Variants in NCOA5 observed in about 807,000 individuals in gnomAD.
NCOA5 encodes the protein nuclear receptor coactivator 5.
In NCOA5, 12 loss-of-function variants were observed where a neutral mutation model predicts 59.0. The observed-to-expected ratio is 0.20, with a 90% confidence interval of 0.13 to 0.33. The LOEUF (loss-of-function observed/expected upper bound fraction) is 0.33, where lower values mean the gene tolerates loss of function less well. NCOA5 is among the 10% of genes least tolerant of loss of function. The probability of loss-of-function intolerance (pLI) is 1.00; values close to 1 mark genes in which losing one functional copy is unlikely to be tolerated. For missense variants in NCOA5, 655 were observed against 766.6 expected, an observed-to-expected ratio of 0.85 and a Z score of 1.72; for synonymous variants, 270 against 275.5, an observed-to-expected ratio of 0.98 and a Z score of 0.20.
chr20:46,075,987 C>T (rs777457863), intron 2 of NCOA5, among the ~76,000 whole-genome samples: 22 of 152,152 alleles, frequency 1.4e-4, no homozygotes, highest in Non-Finnish European at 1.8e-4. Flanking sequence ...GAATAGAGAG[C>T]AAAGCCAGCA....
Position 46,062,619 on chromosome 20 carries a change from T to C in NCOA5, c.1421A>G (p.Gln474Arg). The C allele has an allele frequency of 6.2e-7, 1 of 1,614,192 alleles. No individual in the cohort carries two copies. ...NFSTAANSQP[Q>R]QRSQASGNQP... ...ATTGCCAGAAGCCTGTGATCTTTGT[T>C]GAGGCTGGCTGTTTGCTGCTGTGGA... Residue 474 changes from glutamine (Q) to arginine (R), a missense_variant, in exon 8 of 8, where the codon CAA becomes CGA. Physicochemically the swap from Gln to Arg is conservative, Grantham distance 43. This residue lies in a region of NCOA5 where 325 missense variants were observed against 353.2 expected (regional missense o/e 0.92). Transcript: ENST00000290231.
chr20:46,064,418 T>C (rs2084799718), intron 6 of NCOA5, among the ~76,000 whole-genome samples: 1 of 152,236 alleles, frequency 6.6e-6, no homozygotes, highest in South Asian at 2.1e-4. Flanking sequence ...CTGGGCTCAA[T>C]GCATTAAAAG....
chr20:46,069,128 T>G (rs1231350900), intron 3 of NCOA5, among the ~76,000 whole-genome samples: 1 of 152,098 alleles, frequency 6.6e-6, no homozygotes, highest in Non-Finnish European at 1.5e-5. Context: ...TTTTTAAGTA[T>G]ACAATTCAGT....
chr20:46,087,500 G>C (rs1207459372), intron 1 of NCOA5, among the ~76,000 whole-genome samples: 2 of 152,228 alleles, frequency 1.3e-5, no homozygotes, highest in Non-Finnish European at 2.9e-5. Flanking sequence ...GCTCATGCCT[G>C]TAATCCCAGC....
intron 1 of NCOA5, among the ~76,000 whole-genome samples, chr20:46,081,040 A>G (rs2084986833): frequency 6.6e-6 from 1 of 152,150 alleles, no homozygotes; most frequent in Admixed American, 6.5e-5. Context: ...ACTGTGTACC[A>G]CTTTCTAATT....
At chr20:46,089,681 C>T (rs936017093) in intron 1 of NCOA5, 136 bp downstream of exon 1, 1 of 152,066 alleles carries the variant, frequency 6.6e-6, no homozygotes, top group Non-Finnish European at 1.5e-5. Flanking sequence ...CGCGCGCACC[C>T]GGAGAGGAGC....
chr20:46,088,216 A>G (rs973075693), intron 1 of NCOA5, among the ~76,000 whole-genome samples: 1 of 152,318 alleles, frequency 6.6e-6, no homozygotes, highest in African/African-American at 2.4e-5. Flanking sequence ...GAGCAAACTG[A>G]ATCTAGAAAA....
At chr20:46,086,348 A>C (rs560551362) in intron 1 of NCOA5, among the ~76,000 whole-genome samples, 2 of 152,300 alleles carry the variant, frequency 1.3e-5, no homozygotes, top group Non-Finnish European at 2.9e-5. Flanking sequence ...GGTCCAGATG[A>C]CCTATTATCT....
At chr20:46,070,633 T>G (rs1350788301) in intron 2 of NCOA5, 97 bp from the exon 3 acceptor site, 1 of 1,202,838 alleles carries the variant, frequency 8.3e-7, no homozygotes, top group Non-Finnish European at 1.2e-6. Context: ...CCAAGCATTC[T>G]TCTCTAAAAC....
Position 46,063,605 on chromosome 20 carries a change from C to A in NCOA5, c.905G>T (p.Arg302Leu). 2 of 1,614,144 alleles carry A rather than the reference C, an allele frequency of 1.2e-6. No individual in the cohort carries two copies. The highest frequency in any genetic ancestry group is 1.7e-6 in the Non-Finnish European group (2 of 1,180,022). Reference sequence around the variant, plus strand: ...GGCAATCTCCTCACGTTCCTTCTCCCGGCACTCATTCTTGTAACGCTCATA... The same window carrying A: ...GGCAATCTCCTCACGTTCCTTCTCCAGGCACTCATTCTTGTAACGCTCATA... ...RNYERYKNEC[R>L]EKEREEIARQ... The change falls in exon 7 of 8, where the codon CGG (arginine) becomes CTG (leucine). Residue 302 changes from arginine to leucine, a missense_variant. By Grantham distance (102) the Arg-to-Leu change is moderately radical. Around this residue, in one of 3 missense-constraint regions of NCOA5, gnomAD observed 325 missense variants for 353.2 expected, o/e 0.92. Transcript: ENST00000290231.
chr20:46,089,602 TCGGCCGGC>T (rs2085079938), intron 1 of NCOA5, among the ~76,000 whole-genome samples: 1 of 151,596 alleles, frequency 6.6e-6, no homozygotes, highest in African/African-American at 2.4e-5. Flanking sequence ...GTAGGCCGCC[TCGGCCGGC>T]CGGGCCTGGG....
At chr20:46,068,886 A>G (rs1201820850) in intron 3 of NCOA5, among the ~76,000 whole-genome samples, 2 of 152,248 alleles carry the variant, frequency 1.3e-5, no homozygotes, top group East Asian at 3.8e-4. Flanking sequence ...TTGAGGAAAC[A>G]TTACATGTCC....
At chr20:46,087,043 CTCTT>C (rs1225897038) in intron 1 of NCOA5, among the ~76,000 whole-genome samples, 1 of 152,152 alleles carries the variant, frequency 6.6e-6, no homozygotes, top group African/African-American at 2.4e-5. Flanking sequence ...GAAATCTAAC[CTCTT>C]TGAGTCATCA....
At chr20:46,081,304 T>C (rs2084989583) in intron 1 of NCOA5, among the ~76,000 whole-genome samples, 1 of 152,116 alleles carries the variant, frequency 6.6e-6, no homozygotes, top group Non-Finnish European at 1.5e-5. Context: ...TAGGTTTCTA[T>C]TACCAATAAT....
chr20:46,062,792 A>T lies in NCOA5; in HGVS notation c.1248T>A (p.Ser416=), dbSNP rs1600614578. Residue 416 remains serine (S), a synonymous_variant, in exon 8 of 8, where the codon TCT becomes TCA. Transcript: ENST00000290231. ...GGGGTGCAGATGGAGTGGGTGTAGCAGAGGGGAGCACTTGGCCGCTCTGGA... is the reference window on the plus strand; with the variant it reads ...GGGGTGCAGATGGAGTGGGTGTAGCTGAGGGGAGCACTTGGCCGCTCTGGA... ...QPLQSGQVLP[S]ATPTPSAPPT... 7 of 1,584,254 alleles carry T rather than the reference A, an allele frequency of 4.4e-6. No homozygotes were observed. The highest frequency in any genetic ancestry group is 6.0e-6 in the Non-Finnish European group (7 of 1,163,704).
chr20:46,062,439 T>C lies in NCOA5; in HGVS notation c.1601A>G (p.Asn534Ser), dbSNP rs995169863. The change falls in exon 8 of 8, where the codon AAC (asparagine) becomes AGC (serine). Residue 534 changes from asparagine to serine, a missense_variant. Around this residue, in one of 3 missense-constraint regions of NCOA5, gnomAD observed 325 missense variants for 353.2 expected, o/e 0.92. Coordinates refer to ENST00000290231, the MANE Select transcript of NCOA5 (RefSeq NM_020967.3). ...SQRPVSSTGI[N>S]FDNPSVQKAL... is the part of the protein sequence containing the mutation. Reference sequence around the variant, plus strand: ...CTTCTGTACACTTGGATTGTCAAAGTTGATACCTGTGGAAGACACAGGCCT... The same window carrying C: ...CTTCTGTACACTTGGATTGTCAAAGCTGATACCTGTGGAAGACACAGGCCT... The C allele has an allele frequency of 2.5e-6, 4 of 1,614,190 alleles. No individual in the cohort carries two copies. The East Asian group carries it at 6.7e-5, about 27-fold the overall frequency.
chr20:46,063,541 C>T lies in NCOA5; in HGVS notation c.969G>A (p.Gln323=). 4 of 1,614,226 alleles carry T rather than the reference C, an allele frequency of 2.5e-6. No individual in the cohort carries two copies. The highest frequency in any genetic ancestry group is 3.4e-6 in the Non-Finnish European group (4 of 1,180,046). Residue 323 remains glutamine (Q), a synonymous_variant, in exon 7 of 8, where the codon CAG becomes CAA. Coordinates refer to ENST00000290231, the MANE Select transcript of NCOA5 (RefSeq NM_020967.3). ...AAKMADEAIL[Q]ERERGGPEEG... ...CCTCAGGGCCTCCTCTCTCTCTTTC[C>T]TGCAGGATGGCTTCATCGGCCATCT...
chr20:46,077,107 G>T (rs971923963), intron 2 of NCOA5, among the ~76,000 whole-genome samples: 5 of 152,008 alleles, frequency 3.3e-5, no homozygotes, highest in African/African-American at 1.2e-4. Context: ...ATGGGGTTTT[G>T]CCATGTTGCC....
chr20:46,089,334 A>C (rs1025013742), intron 1 of NCOA5, among the ~76,000 whole-genome samples: 1 of 152,058 alleles, frequency 6.6e-6, no homozygotes, highest in Non-Finnish European at 1.5e-5. Flanking sequence ...GTGGCGGGGG[A>C]CAGCGCTCAG....
Sources: gnomAD v4.1 joint callset for allele counts (sites outside exome capture counted in the v4.1 genomes callset) on GRCh38, gnomAD v4.1.1 for gene constraint, gnomAD v4.1.1 regional missense constraint, MANE v1.5 for transcripts, NCBI Gene and HGNC (gene_info 2026-07-23, HGNC 2026-07-21) for gene names.